Variants in LAT observed in about 807,000 individuals in gnomAD.
LAT encodes the protein linker for activation of T cells.
A neutral mutation model predicts 39.1 loss-of-function variants in LAT; 12 were observed. The ratio of observed to expected loss-of-function variants is 0.31; its 90% confidence interval spans 0.20 to 0.50. The LOEUF is 0.50. Among genes scored for constraint, LAT ranks in the 20% least tolerant of loss-of-function variants. The probability of loss-of-function intolerance (pLI) is 0.98; values close to 1 mark genes in which losing one functional copy is unlikely to be tolerated. For synonymous variants in LAT, 117 were observed against 123.8 expected (o/e 0.95, Z 0.36); for missense variants, 253 against 308.0 (o/e 0.82, Z 1.34).
In LAT at chr16:28,986,041, T is replaced by C. The variant is rs1050994030; in HGVS notation, c.164-94T>C. ...AGAGGGGAGATGGCTCCCCCAGGCC[T>C]GTCCAGGGTGTGGGGCTTTCAGGGG... is the stretch of plus-strand genomic sequence containing the variant. On this transcript the variant is annotated intron_variant, in intron 3 of 11. Transcript: ENST00000395456. This position sits in a 1 kb window ranked among gnomAD's most constrained non-coding sequence, Gnocchi z 5.7. 2.2e-6 allele frequency: 3 copies of C among 1,373,196 alleles called. No homozygotes were observed. Among genetic ancestry groups the C allele is most frequent in the Non-Finnish European group, 3.1e-6 (3 of 968,940 alleles). 85.1% of individuals were successfully genotyped at this position (1,373,196 alleles called of 1,614,324 possible).
At position 28,989,780 on chromosome 16, in the gene LAT, G is replaced by C. The variant is rs1596772265; in HGVS notation, c.563G>C (p.Ser188Thr). 1.9e-6 allele frequency: 3 copies of C among 1,614,124 alleles called. No homozygotes were observed. The highest frequency in any genetic ancestry group is 2.5e-6 in the Non-Finnish European group (3 of 1,180,028). ...GESAEASLDGSREYVNVSQEL... is the reference protein window; with the variant it reads ...GESAEASLDGTREYVNVSQEL... ...TTCTGATCTGTCCCCACAGATGGCA[G>C]CCGGGAGTATGTGAATGTGTCCCAG... The change falls in exon 10 of 12, where the codon AGC (serine) becomes ACC (threonine). Residue 188 changes from serine (S) to threonine (T), a missense_variant. Physicochemically the swap from Ser to Thr is moderately conservative, Grantham distance 58. Coordinates refer to ENST00000395456, the MANE Select transcript of LAT (RefSeq NM_001014987.2).
In LAT at chr16:28,986,421, A is replaced by C; in HGVS notation, c.285A>C (p.Pro95=). The part of the protein sequence containing the change: ...PQPLGGSHRT[P]SSRRDSDGAN... ...CCCTTGGGGGCTCCCACCGGACGCCATCTTCCCGGCGGGATTCTGATGGTG... is the reference window on the plus strand; with the variant it reads ...CCCTTGGGGGCTCCCACCGGACGCCCTCTTCCCGGCGGGATTCTGATGGTG... The change falls in exon 5 of 12, where the codon CCA becomes CCC. Residue 95 remains proline (P), a synonymous_variant. Transcript: ENST00000395456. This position sits in a 1 kb window ranked among gnomAD's most constrained non-coding sequence, Gnocchi z 5.7. 1 of 1,613,906 alleles carries C rather than the reference A, an allele frequency of 6.2e-7. No individual in the cohort carries two copies.
rs1965741352 is a variant in LAT, at chr16:28,986,078, C to G, written c.164-57C>G. The stretch of plus-strand genomic sequence containing the variant: ...GGGGCTTTCAGGGGCTTAGTCTGTT[C>G]TTTGAGGCCTTGACGATGTCCGGAG... On this transcript the variant is annotated intron_variant, in intron 3 of 11. Coordinates refer to ENST00000395456, the MANE Select transcript of LAT (RefSeq NM_001014987.2). This position sits in a 1 kb window ranked among gnomAD's most constrained non-coding sequence, Gnocchi z 5.7. 6.8e-7 allele frequency: 1 copy of G among 1,464,482 alleles called. No homozygotes were observed. Among genetic ancestry groups the G allele is most frequent in the Admixed American group, 1.8e-5 (1 of 54,170 alleles). 90.7% of individuals were successfully genotyped at this position (1,464,482 alleles called of 1,614,324 possible).
At chr16:28,988,366 G>C (rs1420403258) in intron 8 of LAT, 1 of 152,528 alleles carries the variant, frequency 6.6e-6, no homozygotes, top group African/African-American at 2.4e-5. Flanking sequence ...GTTAGTGCTG[G>C]AGCTGGGATT....
At position 28,986,553 on chromosome 16, in the gene LAT, G is replaced by A. The variant is rs530922450; in HGVS notation, c.324G>A (p.Ala108=). The A allele has an allele frequency of 4.7e-5, 75 of 1,612,300 alleles. 1 individual carries two copies. In the South Asian group the frequency reaches 6.7e-4, roughly 14 times the overall value. The part of the protein sequence containing the change: ...RRDSDGANSV[A]SYENEEPACE... ...CTCTCTTTGAAGCCAACAGTGTGGC[G>A]AGCTACGAGAACGAGGGTGCGTCTG... is the stretch of plus-strand genomic sequence containing the variant. Residue 108 remains alanine, a synonymous_variant, in exon 6 of 12, where the codon GCG becomes GCA. Coordinates refer to ENST00000395456, the MANE Select transcript of LAT (RefSeq NM_001014987.2). The surrounding 1 kb of genome is among the most constrained non-coding windows in gnomAD (Gnocchi z 5.7).
chr16:28,990,295 G>C lies in LAT; in HGVS notation c.*114G>C, dbSNP rs1965842895. The C allele has an allele frequency of 1.5e-6, 1 of 655,096 alleles. No individual in the cohort carries two copies. The highest frequency in any genetic ancestry group is 1.8e-5 in the African/African-American group (1 of 56,322). The allele number at this position is 655,096 out of a possible 1,614,324, so 40.6% of individuals were successfully genotyped here. A position where few individuals can be genotyped will look rare whatever the true frequency, so the allele number is the denominator to read the frequency against. ...TGGCGTCCTGCCCTTGCTCCAGCCTGACAACAGCCTGAGAAATCCCCCCGT... is the reference window on the plus strand; with the variant it reads ...TGGCGTCCTGCCCTTGCTCCAGCCTCACAACAGCCTGAGAAATCCCCCCGT... On this transcript the variant is annotated 3_prime_UTR_variant, in exon 12 of 12. Coordinates refer to ENST00000395456, the MANE Select transcript of LAT (RefSeq NM_001014987.2).
upstream of LAT, chr16:28,984,897 C>T: frequency 6.5e-7 from 1 of 1,548,742 alleles, no homozygotes; most frequent in Non-Finnish European, 8.7e-7. Context: ...AGGTGGCTGT[C>T]CCCGTCTTGG....
Position 28,986,149 on chromosome 16 carries a change from T to C in LAT, c.178T>C (p.Trp60Arg). 1 of 1,599,590 alleles carries C rather than the reference T, an allele frequency of 6.3e-7. No homozygotes were observed. Among genetic ancestry groups the C allele is most frequent in the Non-Finnish European group, 8.5e-7 (1 of 1,173,062 alleles). Reference sequence around the variant, plus strand: ...TGTGTCCTCAGACACGGTTGCCCCCTGGCCACCTGCCTACCCACCTGTCAC... The same window carrying C: ...TGTGTCCTCAGACACGGTTGCCCCCCGGCCACCTGCCTACCCACCTGTCAC... ...QFKRPHTVAP[W>R]PPAYPPVTSY... The change falls in exon 4 of 12, where the codon TGG becomes CGG. Residue 60 changes from tryptophan (W) to arginine (R), a missense_variant. Trp to Arg is a moderately radical substitution (Grantham distance 101). Coordinates refer to ENST00000395456, the MANE Select transcript of LAT (RefSeq NM_001014987.2). This position sits in a 1 kb window ranked among gnomAD's most constrained non-coding sequence, Gnocchi z 5.7.
At position 28,988,321 on chromosome 16, in the gene LAT, A is replaced by T. The variant is rs188166694; in HGVS notation, c.494-1206A>T. 316 of 152,588 alleles carry T rather than the reference A, an allele frequency of 2.1e-3. 3 individuals carry two copies. The East Asian group carries it at 0.021, about 10-fold the overall frequency. 9.5% of individuals were successfully genotyped at this position (152,588 alleles called of 1,614,324 possible). The stretch of plus-strand genomic sequence containing the variant: ...TACAGAGGAGAAAACTGAGGCACAG[A>T]GAGGTAAGGTCCCTTGGCTGAGGTT... On this transcript the variant is annotated intron_variant, in intron 8 of 11. Transcript: ENST00000395456.
rs1567533025 is a variant in LAT, at chr16:28,990,377, A to G, written c.*196A>G. On this transcript the variant is annotated 3_prime_UTR_variant, in exon 12 of 12. Transcript: ENST00000395456. The stretch of plus-strand genomic sequence containing the variant: ...TCCCCCGAACGCTCTGCACCTTCTG[A>G]CGCAGCCTGAGAATGACCTGCCCTG... The G allele has an allele frequency of 2.2e-6, 1 of 450,462 alleles. No individual in the cohort carries two copies. Among genetic ancestry groups the G allele is most frequent in the Non-Finnish European group, 4.3e-6 (1 of 230,920 alleles). 27.9% of individuals were successfully genotyped at this position (450,462 alleles called of 1,614,324 possible).
At chr16:28,989,622 T>C in intron 9 of LAT, 33 bp downstream of exon 9, 1 of 1,592,996 alleles carries the variant, frequency 6.3e-7, no homozygotes, top group Non-Finnish European at 8.6e-7. Context: ...TGCCTGCCCC[T>C]GCACCCCGCT....
chr16:28,989,709 C>A (rs1965830693), intron 9 of LAT, 65 bp from the exon 10 acceptor site: 1 of 1,593,928 alleles, frequency 6.3e-7, no homozygotes, highest in Non-Finnish European at 8.6e-7. Context: ...TCTGGGCGTC[C>A]CCTTGCTCTC....
At chr16:28,987,761 T>G (rs1296352557) in intron 8 of LAT, 3 of 152,174 alleles carry the variant, frequency 2.0e-5, no homozygotes, top group African/African-American at 7.2e-5. Flanking sequence ...GCTGGGCTAA[T>G]GCTGTGGATA....
rs746082940 is a variant in LAT, at chr16:28,986,584, C to T, written c.340+15C>T. ...CGAGAACGAGGGTGCGTCTGGGATC[C>T]GAGGTGCCCAGGCTGGGTGGGGAGT... is the stretch of plus-strand genomic sequence containing the variant. On this transcript the variant is annotated intron_variant, in intron 6 of 11. Coordinates refer to ENST00000395456, the MANE Select transcript of LAT (RefSeq NM_001014987.2). The surrounding 1 kb of genome is among the most constrained non-coding windows in gnomAD (Gnocchi z 5.7). 7 of 1,613,282 alleles carry T rather than the reference C, an allele frequency of 4.3e-6. No individual in the cohort carries two copies. The highest frequency in any genetic ancestry group is 2.2e-5 in the South Asian group (2 of 90,996).
rs186783312 is a variant in LAT, at chr16:28,985,882, C to A, written c.157C>A (p.Arg53=). 1 of 1,613,986 alleles carries A rather than the reference C, an allele frequency of 6.2e-7. No individual in the cohort carries two copies. The highest frequency in any genetic ancestry group is 8.5e-7 in the Non-Finnish European group (1 of 1,179,992). ...SLYPRGIQFK[R]PHTVAPWPPA... is the part of the protein sequence containing the mutation. ...GTATCCAAGGGGCATCCAGTTCAAACGGCCTCGTGAGTACAAGGAGGGTCC... is the reference window on the plus strand; with the variant it reads ...GTATCCAAGGGGCATCCAGTTCAAAAGGCCTCGTGAGTACAAGGAGGGTCC... The change falls in exon 3 of 12, where the codon CGG becomes AGG. Residue 53 remains arginine (R), a synonymous_variant. Coordinates refer to ENST00000395456, the MANE Select transcript of LAT (RefSeq NM_001014987.2). This position sits in a 1 kb window ranked among gnomAD's most constrained non-coding sequence, Gnocchi z 4.6.
At chr16:28,989,618 C>G (rs775621384) in intron 9 of LAT, 29 bp downstream of exon 9, 1 of 1,596,148 alleles carries the variant, frequency 6.3e-7, no homozygotes, top group South Asian at 1.1e-5. Flanking sequence ...TCGGTGCCTG[C>G]CCCTGCACCC....
intron 8 of LAT, among the ~76,000 whole-genome samples, chr16:28,987,162 G>A (rs954328656): frequency 2.0e-5 from 3 of 152,148 alleles, no homozygotes; most frequent in African/African-American, 7.2e-5. Flanking sequence ...TCCCACCTCG[G>A]GCTCCCAAAG....
At position 28,985,585 on chromosome 16, in the gene LAT, C is replaced by T. The variant is rs1965727576; in HGVS notation, c.100+68C>T. On this transcript the variant is annotated intron_variant, in intron 1 of 11. Coordinates refer to ENST00000395456, the MANE Select transcript of LAT (RefSeq NM_001014987.2). The surrounding 1 kb of genome is among the most constrained non-coding windows in gnomAD (Gnocchi z 4.6). ...CGACGGGATCCTCATCCACTCCCAG[C>T]CCCTGTGTCTGTCCTGGCTCTGTCC... The T allele has an allele frequency of 3.8e-6, 6 of 1,599,764 alleles. No homozygotes were observed. Among genetic ancestry groups the T allele is most frequent in the South Asian group, 3.3e-5 (3 of 90,330 alleles).
chr16:28,985,378 G>A lies in LAT; in HGVS notation c.-40G>A. 6.2e-7 allele frequency: 1 copy of A among 1,611,672 alleles called. No individual in the cohort carries two copies. Among genetic ancestry groups the A allele is most frequent in the Non-Finnish European group, 8.5e-7 (1 of 1,179,482 alleles). On this transcript the variant is annotated 5_prime_UTR_variant, in exon 1 of 12. Transcript: ENST00000395456. The surrounding 1 kb of genome is among the most constrained non-coding windows in gnomAD (Gnocchi z 4.6). ...CTGGCCTTGACTCTGCCCTTGAGGGGCCTAGGGGTGCAGCCAGCCTGCTCC... is the reference window on the plus strand; with the variant it reads ...CTGGCCTTGACTCTGCCCTTGAGGGACCTAGGGGTGCAGCCAGCCTGCTCC...
Sources: gnomAD v4.1 joint callset for allele counts (sites outside exome capture counted in the v4.1 genomes callset) on GRCh38, gnomAD v4.1.1 for gene constraint, Gnocchi (gnomAD v3.1) non-coding constraint, MANE v1.5 for transcripts, NCBI Gene and HGNC (gene_info 2026-07-23, HGNC 2026-07-21) for gene names.